The following NAPB variants were observed in gnomAD, a reference collection of about 807,000 sequenced individuals.
NAPB encodes the protein NSF attachment protein beta.
Under a neutral mutation model 44.7 loss-of-function variants are expected in NAPB, and 26 were observed. That is an observed-to-expected ratio of 0.58 (90% CI 0.43 to 0.81). The LOEUF (loss-of-function observed/expected upper bound fraction) is 0.81, where lower values mean the gene tolerates loss of function less well. Ranked by LOEUF, NAPB falls within the 30% of genes least tolerant of loss-of-function variation. The pLI is 0.00. For synonymous variants in NAPB, 120 were observed against 116.8 expected (o/e 1.03, Z -0.18); for missense variants, 315 against 356.4 (o/e 0.88, Z 0.94).
intron 9 of NAPB, 24 bp downstream of exon 9, chr20:23,379,843 C>A: frequency 6.4e-7 from 1 of 1,569,856 alleles, no homozygotes; most frequent in South Asian, 1.1e-5. Context: ...AAGCATTTTT[C>A]TTCAAAGTTC....
intron 1 of NAPB, among the ~76,000 whole-genome samples, chr20:23,409,635 G>C (rs1600596021): frequency 6.6e-6 from 1 of 152,274 alleles, no homozygotes; most frequent in Non-Finnish European, 1.5e-5. Context: ...AATTTAAGCT[G>C]AATTTCAGTC....
At position 23,381,104 on chromosome 20, in the gene NAPB, C is replaced by T. The variant is rs781230585; in HGVS notation, c.666+109G>A. 1.1e-5 allele frequency: 8 copies of T among 758,856 alleles called. No individual in the cohort carries two copies. In the East Asian group the frequency reaches 1.8e-4, roughly 17 times the overall value. 47.0% of individuals were successfully genotyped at this position (758,856 alleles called of 1,614,324 possible). A position where few individuals can be genotyped will look rare whatever the true frequency, so the allele number is the denominator to read the frequency against. On this transcript the variant is annotated intron_variant, in intron 8 of 10. Coordinates refer to ENST00000377026, the MANE Select transcript of NAPB (RefSeq NM_022080.3). ...GAATAATACTTATTTTTAATGTACC[C>T]GTTTATTCTTGGTACTAACATCAAA...
intron 2 of NAPB, among the ~76,000 whole-genome samples, chr20:23,399,349 G>C (rs1216937875): frequency 6.6e-6 from 1 of 152,078 alleles, no homozygotes; most frequent in Admixed American, 6.6e-5. Context: ...TCATAAATGG[G>C]ATGAGTGCCC....
chr20:23,404,706 T>C (rs1397292962), intron 1 of NAPB, among the ~76,000 whole-genome samples: 1 of 152,220 alleles, frequency 6.6e-6, no homozygotes, highest in Non-Finnish European at 1.5e-5. Context: ...GATCCATGTA[T>C]GGAAGGCATA....
chr20:23,393,936 G>C (rs1297215428), intron 5 of NAPB, among the ~76,000 whole-genome samples: 2 of 152,168 alleles, frequency 1.3e-5, no homozygotes, highest in African/African-American at 4.8e-5. Context: ...CGCTCATCTG[G>C]CATGTGTGCG....
intron 1 of NAPB, among the ~76,000 whole-genome samples, chr20:23,415,114 T>C (rs1286580267): frequency 3.9e-5 from 6 of 152,110 alleles, no homozygotes; most frequent in Non-Finnish European, 1.5e-5. Context: ...ATAATAAATT[T>C]TTCATCATTT....
At chr20:23,390,149 G>C in intron 6 of NAPB, 60 bp downstream of exon 6, 1 of 1,522,020 alleles carries the variant, frequency 6.6e-7, no homozygotes, top group Non-Finnish European at 9.1e-7. Context: ...GTATAAAGAA[G>C]TATTTTTTTA....
intron 1 of NAPB, among the ~76,000 whole-genome samples, chr20:23,411,842 G>A (rs1352904639): frequency 2.0e-5 from 3 of 151,806 alleles, no homozygotes; most frequent in Admixed American, 6.6e-5. Context: ...GAGACATGAA[G>A]ACAAATAGCA....
At chr20:23,386,787 A>G (rs1983563437) in intron 7 of NAPB, among the ~76,000 whole-genome samples, 1 of 152,218 alleles carries the variant, frequency 6.6e-6, no homozygotes, top group Admixed American at 6.5e-5. Context: ...TTGACCTATG[A>G]GTCTCTCCTT....
intron 8 of NAPB, among the ~76,000 whole-genome samples, chr20:23,380,208 T>TA (rs1982883541): frequency 6.6e-6 from 1 of 152,244 alleles, no homozygotes; most frequent in Non-Finnish European, 1.5e-5. Flanking sequence ...ACAGACCAGG[T>TA]ATCTGTATCC....
At position 23,383,863 on chromosome 20, in the gene NAPB, T is replaced by C. The variant is rs191158352; in HGVS notation, c.562-2546A>G. ...ACATTGACTCATGTGGTTCTAAATGTATGCAGAGGAAACATTAAGACAACT... is the reference window on the plus strand; with the variant it reads ...ACATTGACTCATGTGGTTCTAAATGCATGCAGAGGAAACATTAAGACAACT... On this transcript the variant is annotated intron_variant, in intron 7 of 10. Coordinates refer to ENST00000377026, the MANE Select transcript of NAPB (RefSeq NM_022080.3). 1.2e-4 allele frequency among the ~76,000 whole-genome samples: 18 copies of C among 152,284 alleles called. No homozygotes were observed. The East Asian group carries it at 3.5e-3, about 29-fold the overall frequency.
At chr20:23,411,838 T>A (rs1217810275) in intron 1 of NAPB, among the ~76,000 whole-genome samples, 1 of 151,998 alleles carries the variant, frequency 6.6e-6, no homozygotes, top group East Asian at 1.9e-4. Flanking sequence ...AAAAGAGACA[T>A]GAAGACAAAT....
At chr20:23,393,375 C>T (rs894930210) in intron 5 of NAPB, among the ~76,000 whole-genome samples, 2 of 152,074 alleles carry the variant, frequency 1.3e-5, no homozygotes, top group Admixed American at 6.5e-5. Context: ...GAATAACCAA[C>T]AGGTGGAGGT....
In NAPB at chr20:23,421,310, C is replaced by T. The variant is rs1986416302; in HGVS notation, c.93G>A (p.Leu31=). 9.6e-6 allele frequency: 15 copies of T among 1,558,588 alleles called. No individual in the cohort carries two copies. Among genetic ancestry groups the T allele is most frequent in the African/African-American group, 1.4e-5 (1 of 73,034 alleles). ...VKASHSFLRG[L]FGGNTRIEEA... is the part of the protein sequence containing the mutation. ...ACGCACGGTCTGGCGCTCACCCAAA[C>T]AGCCCTCGGAGGAAGGAGTGGGAGG... Residue 31 remains leucine (L), a synonymous_variant, in exon 1 of 11, where the codon CTG becomes CTA. Coordinates refer to ENST00000377026, the MANE Select transcript of NAPB (RefSeq NM_022080.3).
intron 1 of NAPB, among the ~76,000 whole-genome samples, chr20:23,413,166 T>G (rs1380121659): frequency 6.6e-6 from 1 of 152,032 alleles, no homozygotes; most frequent in Non-Finnish European, 1.5e-5. Context: ...ACCTGGACCA[T>G]TCATGAACAC....
chr20:23,398,633 G>T (rs1984562755), intron 2 of NAPB, among the ~76,000 whole-genome samples: 2 of 152,014 alleles, frequency 1.3e-5, no homozygotes, highest in Non-Finnish European at 1.5e-5. Flanking sequence ...CTGAGGTCAG[G>T]AGTTCGAGAC....
intron 7 of NAPB, among the ~76,000 whole-genome samples, chr20:23,387,632 T>A (rs1317598444): frequency 6.6e-6 from 1 of 152,070 alleles, no homozygotes; most frequent in Non-Finnish European, 1.5e-5. Flanking sequence ...TAATTCAATT[T>A]GTAGTAGCGT....
chr20:23,383,703 C>A (rs1446315418), intron 7 of NAPB, among the ~76,000 whole-genome samples: 1 of 152,152 alleles, frequency 6.6e-6, no homozygotes, highest in Non-Finnish European at 1.5e-5. Flanking sequence ...AAAGGAGGTT[C>A]TCTAAATAGA....
chr20:23,404,244 G>T (rs1216329270), intron 1 of NAPB, among the ~76,000 whole-genome samples: 1 of 152,186 alleles, frequency 6.6e-6, no homozygotes, highest in Non-Finnish European at 1.5e-5. Context: ...AAACTGAGAT[G>T]CAGCAGACTC....
Sources: allele counts gnomAD v4.1 joint callset (sites outside exome capture counted in the v4.1 genomes callset), GRCh38; gene constraint gnomAD v4.1.1; transcripts MANE v1.5; gene names NCBI Gene and HGNC (gene_info 2026-07-23, HGNC 2026-07-21).